MYH9: variants seen among roughly 807,000 people sequenced by gnomAD.
MYH9 encodes the protein myosin-9.
In MYH9, 29 loss-of-function variants were observed where a neutral mutation model predicts 241.9. The ratio of observed to expected loss-of-function variants is 0.12; its 90% confidence interval spans 0.09 to 0.16. The LOEUF is 0.16. Among genes scored for constraint, MYH9 ranks in the 10% least tolerant of loss-of-function variants. MYH9 has a pLI of 1.00. For synonymous variants in MYH9, 1,047 were observed against 1,062.6 expected (o/e 0.99, Z 0.29); for missense variants, 1,803 against 2,595.5 (o/e 0.69, Z 6.63).
chr22:36,385,542 C>T (rs2018338747), intron 1 of MYH9, among the ~76,000 whole-genome samples: 1 of 152,178 alleles, frequency 6.6e-6, no homozygotes, highest in Non-Finnish European at 1.5e-5. Flanking sequence ...GTTGTCCCAT[C>T]TCCAACCCCT....
Position 36,297,031 on chromosome 22 carries a change from GCCCACATAGC to G in MYH9, c.3101-27_3101-18del. On this transcript the variant is annotated intron_variant, in intron 24 of 40. Transcript: ENST00000216181. Reference sequence around the variant, plus strand: ...GGAGGCGCTCTGCAATGCAGGGGGAGCCCACATAGCCCTCAGTGCCATGGGTTCTGTCTCC... The same window carrying G: ...GGAGGCGCTCTGCAATGCAGGGGGAGCCTCAGTGCCATGGGTTCTGTCTCC... 6.2e-7 allele frequency: 1 copy of G among 1,612,962 alleles called. No individual in the cohort carries two copies. Among genetic ancestry groups the G allele is most frequent in the Non-Finnish European group, 8.5e-7 (1 of 1,179,900 alleles).
At chr22:36,385,619 C>A (rs1184713151) in intron 1 of MYH9, among the ~76,000 whole-genome samples, 1 of 152,138 alleles carries the variant, frequency 6.6e-6, no homozygotes, top group Non-Finnish European at 1.5e-5. Flanking sequence ...CCCTCCTGAA[C>A]CTTTCAGATG....
At chr22:36,372,181 A>C (rs973105289) in intron 1 of MYH9, among the ~76,000 whole-genome samples, 6 of 152,058 alleles carry the variant, frequency 3.9e-5, no homozygotes, top group African/African-American at 1.4e-4. Flanking sequence ...ACAGCTACTA[A>C]ATAATTTTAA....
Position 36,295,215 on chromosome 22 carries a change from G to A in MYH9, c.3486-139C>T. The A allele has an allele frequency of 8.5e-7, 1 of 1,173,438 alleles. No homozygotes were observed. The highest frequency in any genetic ancestry group is 1.3e-6 in the Non-Finnish European group (1 of 796,632). The allele number at this position is 1,173,438 out of a possible 1,614,324, so 72.7% of individuals were successfully genotyped here. On this transcript the variant is annotated intron_variant, in intron 26 of 40. Coordinates refer to ENST00000216181, the MANE Select transcript of MYH9 (RefSeq NM_002473.6). This position sits in a 1 kb window ranked among gnomAD's most constrained non-coding sequence, Gnocchi z 4.1. The stretch of plus-strand genomic sequence containing the variant: ...CTTTTCTACCCACCGGCCCCTCCTA[G>A]CCATCTATCCCATAGCCCAGGCTCA...
At chr22:36,372,392 G>C (rs2018102373) in intron 1 of MYH9, among the ~76,000 whole-genome samples, 1 of 151,850 alleles carries the variant, frequency 6.6e-6, no homozygotes, top group Admixed American at 6.6e-5. Flanking sequence ...GGGAGGCTGA[G>C]GTGGGAGGAT....
At chr22:36,289,419 G>A in intron 31 of MYH9, 122 bp from the exon 32 acceptor site, 1 of 864,884 alleles carries the variant, frequency 1.2e-6, no homozygotes, top group Non-Finnish European at 1.8e-6. Flanking sequence ...AGCAGGCCTA[G>A]GAAGCACAGG....
intron 1 of MYH9, among the ~76,000 whole-genome samples, chr22:36,361,913 T>C (rs1223281761): frequency 6.6e-6 from 1 of 151,976 alleles, no homozygotes; most frequent in Non-Finnish European, 1.5e-5. Flanking sequence ...CTACTAAAAA[T>C]ACAAAAATTA....
chr22:36,287,713 G>A (rs1448271852), intron 34 of MYH9, among the ~76,000 whole-genome samples: 3 of 152,224 alleles, frequency 2.0e-5, no homozygotes, highest in Non-Finnish European at 4.4e-5. Context: ...CTGCACTCCA[G>A]CCTGAGCGAC....
chr22:36,378,825 C>CAA (rs112172884), intron 1 of MYH9, among the ~76,000 whole-genome samples: 1 of 150,038 alleles, frequency 6.7e-6, no homozygotes, highest in African/African-American at 2.5e-5. Context: ...GCATAAACAT[C>CAA]AAAAAAAAAG....
In MYH9 at chr22:36,320,476, A is replaced by C. The variant is rs1603483437; in HGVS notation, c.869-113T>G. 2 of 1,360,348 alleles carry C rather than the reference A, an allele frequency of 1.5e-6. No individual in the cohort carries two copies. 84.3% of individuals were successfully genotyped at this position (1,360,348 alleles called of 1,614,324 possible). On this transcript the variant is annotated intron_variant, in intron 8 of 40. Transcript: ENST00000216181. The surrounding 1 kb of genome is among the most constrained non-coding windows in gnomAD (Gnocchi z 4.8). ...TGGGACAGACCCTGAGCCCTGACGC[A>C]CCCTGGAAACCGCAGAGTAGCCAGT...
intron 15 of MYH9, chr22:36,308,715 A>AGGG: frequency 4.6e-6 from 3 of 649,682 alleles, no homozygotes; most frequent in Non-Finnish European, 5.7e-6. Context: ...AGCCAAGGCA[A>AGGG]GGGGGGGCGC....
At chr22:36,309,116 G>A (rs1234918651) in intron 15 of MYH9, among the ~76,000 whole-genome samples, 166 bp downstream of exon 15, 2 of 152,212 alleles carry the variant, frequency 1.3e-5, no homozygotes, top group African/African-American at 2.4e-5. Flanking sequence ...CTCCTGTTTC[G>A]GTCCGAGGAG....
At position 36,385,582 on chromosome 22, in the gene MYH9, G is replaced by A. The variant is rs5756175; in HGVS notation, c.-20+2225C>T. 5.7e-4 allele frequency among the ~76,000 whole-genome samples: 86 copies of A among 152,208 alleles called. No individual in the cohort carries two copies. The East Asian group carries it at 0.016, about 29-fold the overall frequency. The stretch of plus-strand genomic sequence containing the variant: ...TTAAAAAGTTTAAAAATAAAAGCAA[G>A]AAAGCCAGGGCCCTCCCTCTCCTCT... On this transcript the variant is annotated intron_variant, in intron 1 of 40. Coordinates refer to ENST00000216181, the MANE Select transcript of MYH9 (RefSeq NM_002473.6).
chr22:36,326,675 C>A lies in MYH9; in HGVS notation c.519-14G>T. Reference sequence around the variant, plus strand: ...CCAGATTCACCACTACCAAGAGAGGCAAGGAAGTCCCGGGCTTAGGCATGG... The same window carrying A: ...CCAGATTCACCACTACCAAGAGAGGAAAGGAAGTCCCGGGCTTAGGCATGG... On this transcript the variant is annotated splice_polypyrimidine_tract_variant and intron_variant, in intron 4 of 40. Coordinates refer to ENST00000216181, the MANE Select transcript of MYH9 (RefSeq NM_002473.6). 1 of 1,611,752 alleles carries A rather than the reference C, an allele frequency of 6.2e-7. No individual in the cohort carries two copies. Among genetic ancestry groups the A allele is most frequent in the South Asian group, 1.1e-5 (1 of 91,034 alleles).
intron 18 of MYH9, 105 bp downstream of exon 18, chr22:36,304,928 G>A: frequency 8.8e-7 from 1 of 1,140,260 alleles, no homozygotes; most frequent in Non-Finnish European, 1.3e-6. Flanking sequence ...ACACAGCCTG[G>A]GCATCCACCG....
At position 36,293,356 on chromosome 22, in the gene MYH9, C is replaced by T; in HGVS notation, c.4068G>A (p.Glu1356=). The change falls in exon 30 of 41, where the codon GAG becomes GAA. Residue 1356 remains glutamate, a synonymous_variant. Coordinates refer to ENST00000216181, the MANE Select transcript of MYH9 (RefSeq NM_002473.6). This position sits in a 1 kb window ranked among gnomAD's most constrained non-coding sequence, Gnocchi z 5.1. ...EEEEEAKHNL[E]KQIATLHAQV... is the part of the protein sequence containing the mutation. ...GGGCATGGAGGGTGGCGATCTGCTT[C>T]TCCAGGTTGTGCTTGGCCTCCTCCT... The T allele has an allele frequency of 6.2e-7, 1 of 1,614,100 alleles. No individual in the cohort carries two copies. The highest frequency in any genetic ancestry group is 2.2e-5 in the East Asian group (1 of 44,878).
chr22:36,315,077 C>T (rs899561381), intron 12 of MYH9, among the ~76,000 whole-genome samples: 1 of 152,158 alleles, frequency 6.6e-6, no homozygotes, highest in African/African-American at 2.4e-5. Context: ...AGCCACCGCA[C>T]CCGGCCTCTG....
At chr22:36,284,867 T>C (rs1386190084) in intron 38 of MYH9, among the ~76,000 whole-genome samples, 1 of 152,178 alleles carries the variant, frequency 6.6e-6, no homozygotes, top group Non-Finnish European at 1.5e-5. Context: ...CTGTACCTCC[T>C]GCTCTGATTC....
intron 5 of MYH9, 131 bp downstream of exon 5, chr22:36,326,437 G>A (rs1425612722): frequency 4.5e-6 from 4 of 897,986 alleles, no homozygotes; most frequent in Non-Finnish European, 7.4e-6. Flanking sequence ...CAATGGAAAT[G>A]GGCCCAGCCT....
Sources: gnomAD v4.1 joint callset for allele counts (sites outside exome capture counted in the v4.1 genomes callset) on GRCh38, gnomAD v4.1.1 for gene constraint, Gnocchi (gnomAD v3.1) non-coding constraint, MANE v1.5 for transcripts, NCBI Gene and HGNC (gene_info 2026-07-23, HGNC 2026-07-21) for gene names.